B3GALNT2: variants seen among roughly 807,000 people sequenced by gnomAD.
B3GALNT2 encodes the protein beta-1,3-N-acetylgalactosaminyltransferase 2, also known as UDP-GalNAc:beta-1,3-N-acetylgalactosaminyltransferase 2.
B3GALNT2 carries 53 observed loss-of-function variants against 61.1 expected under a neutral mutation model. The observed-to-expected ratio is 0.87, with a 90% CI of 0.70 to 1.09. The LOEUF (loss-of-function observed/expected upper bound fraction) is 1.09, where lower values mean the gene tolerates loss of function less well. B3GALNT2 is among the 50% of genes least tolerant of loss of function. The pLI, the probability that B3GALNT2 is intolerant of heterozygous loss-of-function variation, is 0.00. For synonymous variants in B3GALNT2, 223 were observed against 237.4 expected (o/e 0.94, Z 0.56); for missense variants, 544 against 623.0 (o/e 0.87, Z 1.35).
intron 6 of B3GALNT2, among the ~76,000 whole-genome samples, chr1:235,468,287 G>C (rs1056663179): frequency 6.6e-6 from 1 of 151,878 alleles, no homozygotes; most frequent in African/African-American, 2.4e-5. Context: ...TTGTACCTGG[G>C]GTTTCTTAGC....
rs1475229862 is a variant in B3GALNT2 at position 235,448,011 on chromosome 1, C to G, written c.*2195G>C. Among the ~76,000 whole-genome samples the G allele has an allele frequency of 6.6e-6, 1 of 152,032 alleles. No individual in the cohort carries two copies. Among genetic ancestry groups the G allele is most frequent in the African/African-American group, 2.4e-5 (1 of 41,398 alleles). On this transcript the variant is annotated 3_prime_UTR_variant, in exon 12 of 12. Coordinates refer to ENST00000366600, the MANE Select transcript of B3GALNT2 (RefSeq NM_152490.5). ...GGATCACGAGGTCAGGAGTTCAAGACCAGCCTGGCCAACATGGTGAAACCC... is the reference window on the plus strand; with the variant it reads ...GGATCACGAGGTCAGGAGTTCAAGAGCAGCCTGGCCAACATGGTGAAACCC...
At chr1:235,439,846 G>A in the B3GALNT2 span, among the ~76,000 whole-genome samples, 925 of 151,916 alleles carry the variant, frequency 6.1e-3, 10 homozygotes, top group African/African-American at 0.021. Flanking sequence ...CTGTCACCCA[G>A]GCTGGAGTGC....
At chr1:235,478,154 G>C (rs542530304) in intron 5 of B3GALNT2, among the ~76,000 whole-genome samples, 1 of 152,212 alleles carries the variant, frequency 6.6e-6, no homozygotes, top group Admixed American at 6.5e-5. Flanking sequence ...CCGGGTTCAA[G>C]CGATACTCCT....
intron 2 of B3GALNT2, among the ~76,000 whole-genome samples, chr1:235,492,663 A>G (rs972562070): frequency 2.0e-5 from 3 of 152,230 alleles, no homozygotes; most frequent in Admixed American, 1.3e-4. Flanking sequence ...ACAACTAAAT[A>G]CAATACAGAT....
the B3GALNT2 span, chr1:235,441,785 T>C: frequency 6.2e-7 from 1 of 1,606,050 alleles, no homozygotes; most frequent in East Asian, 2.2e-5. Flanking sequence ...CTTTGGTTTA[T>C]CATTCATCTC....
At chr1:235,495,720 A>G (rs1460663579) in intron 1 of B3GALNT2, among the ~76,000 whole-genome samples, 2 of 152,174 alleles carry the variant, frequency 1.3e-5, no homozygotes, top group Non-Finnish European at 2.9e-5. Flanking sequence ...ACAAGCTTAT[A>G]TATAGCTCTG....
chr1:235,479,922 T>A (rs748475056), intron 5 of B3GALNT2, 132 bp downstream of exon 5: 22 of 1,426,292 alleles, frequency 1.5e-5, no homozygotes, highest in Admixed American at 5.4e-5. Flanking sequence ...CCATCCACAG[T>A]TGGTACCTTC....
At chr1:235,476,428 A>G (rs917189437) in intron 5 of B3GALNT2, among the ~76,000 whole-genome samples, 2 of 151,198 alleles carry the variant, frequency 1.3e-5, no homozygotes, top group African/African-American at 4.9e-5. Flanking sequence ...ACAAACAAAC[A>G]AACAAACTAG....
intron 1 of B3GALNT2, among the ~76,000 whole-genome samples, chr1:235,497,649 A>T (rs1296909837): frequency 6.6e-6 from 1 of 152,182 alleles, no homozygotes; most frequent in African/African-American, 2.4e-5. Flanking sequence ...CATAGAACAT[A>T]ATTTAATCTT....
chr1:235,479,813 A>T (rs932396999), intron 5 of B3GALNT2: 5 of 409,122 alleles, frequency 1.2e-5, no homozygotes, highest in Non-Finnish European at 2.1e-5. Context: ...CACTAAATAA[A>T]CTACGGAAAC....
chr1:235,482,432 A>G (rs933060129), intron 4 of B3GALNT2, among the ~76,000 whole-genome samples: 22 of 152,030 alleles, frequency 1.4e-4, no homozygotes, highest in African/African-American at 5.3e-4. Flanking sequence ...GAGAACCACA[A>G]ATTCTTCATA....
chr1:235,475,957 TG>T (rs1166253981), intron 5 of B3GALNT2, among the ~76,000 whole-genome samples: 1 of 152,106 alleles, frequency 6.6e-6, no homozygotes, highest in Non-Finnish European at 1.5e-5. Flanking sequence ...CCCAAAGTGC[TG>T]GGAGGATAAG....
chr1:235,449,052 AC>A lies in B3GALNT2; in HGVS notation c.*1153del. 2.9e-6 allele frequency: 1 copy of A among 343,314 alleles called. No individual in the cohort carries two copies. The highest frequency in any genetic ancestry group is 2.6e-5 in the South Asian group (1 of 38,696). 21.3% of individuals were successfully genotyped at this position (343,314 alleles called of 1,614,324 possible). A position where few individuals can be genotyped will look rare whatever the true frequency, so the allele number is the denominator to read the frequency against. On this transcript the variant is annotated 3_prime_UTR_variant, in exon 12 of 12. Transcript: ENST00000366600. ...AGATTTAAATATTAAATAGAAAGAAACTAGCTAGCCTAATAAAATCTGAACA... is the reference window on the plus strand; with the variant it reads ...AGATTTAAATATTAAATAGAAAGAAATAGCTAGCCTAATAAAATCTGAACA...
intron 5 of B3GALNT2, 70 bp downstream of exon 5, chr1:235,479,984 C>G: frequency 6.3e-7 from 1 of 1,579,702 alleles, no homozygotes; most frequent in Non-Finnish European, 8.6e-7. Context: ...AAGTGCCTGC[C>G]CCTGAAAGCA....
At chr1:235,474,974 TATATATA>T (rs1327674407) in intron 5 of B3GALNT2, among the ~76,000 whole-genome samples, 1,243 of 34,730 alleles carry the variant, frequency 0.036, 102 homozygotes, top group African/African-American at 0.051. Context: ...TATATATATA[TATATATA>T]TATATATTTT....
chr1:235,442,058 A>G, the B3GALNT2 span, among the ~76,000 whole-genome samples: 1 of 147,638 alleles, frequency 6.8e-6, no homozygotes, highest in African/African-American at 2.5e-5. Flanking sequence ...CCCAGGCTGG[A>G]GTGCAGTGGT....
intron 10 of B3GALNT2, among the ~76,000 whole-genome samples, chr1:235,453,569 T>TCA (rs1182480864): frequency 1.3e-5 from 2 of 152,028 alleles, no homozygotes; most frequent in Admixed American, 1.3e-4. Flanking sequence ...ATTCTCCTCC[T>TCA]CAGCCTCCCA....
At chr1:235,444,887 G>T (rs541439137), downstream of B3GALNT2, among the ~76,000 whole-genome samples, 2 of 152,388 alleles carry the variant, frequency 1.3e-5, no homozygotes, top group African/African-American at 4.8e-5. Flanking sequence ...AGGCACTGAG[G>T]TAGACCTGCC....
chr1:235,443,156 G>A (rs188289670), downstream of B3GALNT2, among the ~76,000 whole-genome samples: 1 of 150,242 alleles, frequency 6.7e-6, no homozygotes, highest in Non-Finnish European at 1.5e-5. Context: ...GGAAGCCCCT[G>A]CATATAATTA....
Sources: gnomAD v4.1 joint callset for allele counts (sites outside exome capture counted in the v4.1 genomes callset) on GRCh38, gnomAD v4.1.1 for gene constraint, MANE v1.5 for transcripts, NCBI Gene and HGNC (gene_info 2026-07-23, HGNC 2026-07-21) for gene names.